The following LRRC4C variants were observed in gnomAD, a reference collection of about 807,000 sequenced individuals.
LRRC4C encodes the protein leucine rich repeat containing 4C.
LRRC4C carries 5 observed loss-of-function variants against 33.6 expected under a neutral mutation model. The observed-to-expected ratio is 0.15, with a 90% confidence interval of 0.08 to 0.31. The LOEUF (loss-of-function observed/expected upper bound fraction) is 0.31. Among genes scored for constraint, LRRC4C ranks in the 10% least tolerant of loss-of-function variants. The pLI is 1.00. For missense variants in LRRC4C, 560 were observed against 796.7 expected (o/e 0.70, Z 3.58); for synonymous variants, 329 against 302.0 (o/e 1.09, Z -0.93).
At chr11:41,307,400 G>T (rs1212776473) in intron 1 of LRRC4C, among the ~76,000 whole-genome samples, 1 of 152,068 alleles carries the variant, frequency 6.6e-6, no homozygotes, top group Non-Finnish European at 1.5e-5. Flanking sequence ...CAAGCCCCAG[G>T]GACCCTCCCC....
intron 5 of LRRC4C, among the ~76,000 whole-genome samples, chr11:40,190,486 C>T (rs748664538): frequency 2.2e-4 from 34 of 152,174 alleles, no homozygotes; most frequent in African/African-American, 7.0e-4. Flanking sequence ...ATCTACCATG[C>T]GGTTCCTCTG....
chr11:40,910,375 C>T (rs535297093), intron 2 of LRRC4C, among the ~76,000 whole-genome samples: 1 of 151,848 alleles, frequency 6.6e-6, no homozygotes. Context: ...TGAAAAAAAC[C>T]CGGAGATGTT....
At chr11:41,210,257 G>A (rs1477763924) in intron 1 of LRRC4C, among the ~76,000 whole-genome samples, 3 of 152,162 alleles carry the variant, frequency 2.0e-5, no homozygotes, top group African/African-American at 7.2e-5. Flanking sequence ...TTGAATTGTA[G>A]CTCTCATAAT....
chr11:40,143,645 G>C (rs1857524280), intron 5 of LRRC4C, among the ~76,000 whole-genome samples: 1 of 152,058 alleles, frequency 6.6e-6, no homozygotes, highest in African/African-American at 2.4e-5. Flanking sequence ...ACTTCCTTCA[G>C]GGCTCTGCTA....
intron 1 of LRRC4C, among the ~76,000 whole-genome samples, chr11:41,133,216 C>T (rs1247399276): frequency 6.6e-6 from 1 of 152,096 alleles, no homozygotes; most frequent in Non-Finnish European, 1.5e-5. Context: ...AGGCCATCTC[C>T]ATGGCACTAG....
At chr11:40,702,750 G>A (rs939331619) in intron 2 of LRRC4C, among the ~76,000 whole-genome samples, 2 of 151,306 alleles carry the variant, frequency 1.3e-5, no homozygotes, top group African/African-American at 2.4e-5. Flanking sequence ...CCATCTTTGA[G>A]CTACTTTCTA....
chr11:40,248,167 C>A (rs913030461), intron 4 of LRRC4C, among the ~76,000 whole-genome samples: 1 of 152,152 alleles, frequency 6.6e-6, no homozygotes, highest in Non-Finnish European at 1.5e-5. Flanking sequence ...CAGGCTCATT[C>A]TTCTGGGTCA....
At chr11:41,384,780 G>A (rs1215680986) in intron 1 of LRRC4C, among the ~76,000 whole-genome samples, 2 of 149,416 alleles carry the variant, frequency 1.3e-5, no homozygotes, top group Non-Finnish European at 3.0e-5. Context: ...TTAAACTGTT[G>A]CATATGAATT....
At chr11:41,156,760 C>G (rs1460331806) in intron 1 of LRRC4C, among the ~76,000 whole-genome samples, 1 of 151,774 alleles carries the variant, frequency 6.6e-6, no homozygotes, top group Non-Finnish European at 1.5e-5. Flanking sequence ...CTGAGGTGAG[C>G]CTTACTGGGG....
intron 1 of LRRC4C, among the ~76,000 whole-genome samples, chr11:41,343,060 T>G (rs1330349329): frequency 1.3e-5 from 2 of 152,204 alleles, no homozygotes; most frequent in Non-Finnish European, 2.9e-5. Context: ...GTTCTCTCAC[T>G]TCTCACTGGA....
chr11:41,348,596 G>A (rs1951873576), intron 1 of LRRC4C, among the ~76,000 whole-genome samples: 2 of 151,086 alleles, frequency 1.3e-5, no homozygotes, highest in South Asian at 4.2e-4. Context: ...TCTCCCAGCA[G>A]AAGACCAGAC....
intron 2 of LRRC4C, among the ~76,000 whole-genome samples, chr11:40,695,118 A>G (rs566428286): frequency 2.0e-5 from 3 of 152,326 alleles, no homozygotes; most frequent in East Asian, 3.9e-4. Context: ...ATGCAGTACA[A>G]TAAAGAGGCT....
intron 1 of LRRC4C, among the ~76,000 whole-genome samples, chr11:41,308,905 A>G (rs1301569761): frequency 6.6e-6 from 1 of 151,992 alleles, no homozygotes; most frequent in Non-Finnish European, 1.5e-5. Context: ...CCCGGTATCA[A>G]GTGATTCTCC....
At chr11:40,922,443 G>C (rs1592100367) in intron 2 of LRRC4C, among the ~76,000 whole-genome samples, 3 of 152,244 alleles carry the variant, frequency 2.0e-5, no homozygotes, top group Admixed American at 2.0e-4. Flanking sequence ...GAAAAATAAA[G>C]TTGCTGTTGG....
chr11:40,636,771 T>G (rs1210370909), intron 3 of LRRC4C, among the ~76,000 whole-genome samples: 1 of 152,196 alleles, frequency 6.6e-6, no homozygotes, highest in Non-Finnish European at 1.5e-5. Context: ...AGATTCATTT[T>G]CTTCATGAAA....
At chr11:41,355,581 A>G (rs560844368) in intron 1 of LRRC4C, among the ~76,000 whole-genome samples, 15 of 152,178 alleles carry the variant, frequency 9.9e-5, no homozygotes, top group Admixed American at 2.0e-4. Flanking sequence ...TATTGTATGG[A>G]TTGTTTATAC....
At chr11:40,833,428 C>T (rs1032140767) in intron 2 of LRRC4C, among the ~76,000 whole-genome samples, 6 of 151,620 alleles carry the variant, frequency 4.0e-5, no homozygotes, top group African/African-American at 1.5e-4. Flanking sequence ...TAAATATATC[C>T]AATATATTGT....
chr11:40,298,913 T>C (rs542636812), intron 4 of LRRC4C, among the ~76,000 whole-genome samples: 6 of 152,122 alleles, frequency 3.9e-5, no homozygotes, highest in Non-Finnish European at 5.9e-5. Context: ...AATGCTCCCA[T>C]GATGCAATCA....
chr11:41,118,751 T>A (rs1942269374), intron 1 of LRRC4C, among the ~76,000 whole-genome samples: 1 of 152,166 alleles, frequency 6.6e-6, no homozygotes, highest in African/African-American at 2.4e-5. Context: ...GTAAAGCAAC[T>A]TTCATTGTGA....
Sources: allele counts gnomAD v4.1 joint callset (sites outside exome capture counted in the v4.1 genomes callset), GRCh38; gene constraint gnomAD v4.1.1; transcripts MANE v1.5; gene names NCBI Gene and HGNC (gene_info 2026-07-23, HGNC 2026-07-21).